Variants in CD58 observed in about 807,000 individuals in gnomAD.
CD58 encodes CD58 molecule.
In CD58, 14 loss-of-function variants were observed where a neutral mutation model predicts 27.6. The observed-to-expected ratio is 0.51, with a 90% CI of 0.34 to 0.79. CD58 has a LOEUF of 0.79. Among genes scored for constraint, CD58 ranks in the 30% least tolerant of loss-of-function variants. The pLI, the probability that CD58 is intolerant of heterozygous loss-of-function variation, is 0.02. For synonymous variants in CD58, 117 were observed against 103.8 expected (o/e 1.13, Z -0.77); for missense variants, 268 against 301.7 (o/e 0.89, Z 0.83).
rs1398201500 is a variant in CD58 at position 116,570,106 on chromosome 1, G to A, written c.70+797C>T. ...GAACCCCTCAAGTACAGTTGAACTCGCTGGGAGGTTACTGCTGTACTCCCG... is the reference window on the plus strand; with the variant it reads ...GAACCCCTCAAGTACAGTTGAACTCACTGGGAGGTTACTGCTGTACTCCCG... On this transcript the variant is annotated intron_variant, in intron 1 of 5. Coordinates refer to ENST00000369489, the MANE Select transcript of CD58 (RefSeq NM_001779.3). This position sits in a 1 kb window ranked among gnomAD's most constrained non-coding sequence, Gnocchi z 6.4. 1.3e-5 allele frequency among the ~76,000 whole-genome samples: 2 copies of A among 152,194 alleles called. No homozygotes were observed. Among genetic ancestry groups the A allele is most frequent in the African/African-American group, 4.8e-5 (2 of 41,444 alleles).
Position 116,564,078 on chromosome 1 carries a change from A to C in CD58, c.70+6825T>G, listed in dbSNP as rs180816734. ...AACTGAATGCTTTTAACAGCAACCA[A>C]GCCACCTCTTGAATGCTTTGCTGCT... is the stretch of plus-strand genomic sequence containing the variant. On this transcript the variant is annotated intron_variant, in intron 1 of 5. Transcript: ENST00000369489. Among the ~76,000 whole-genome samples the C allele has an allele frequency of 4.6e-5, 7 of 152,364 alleles. No individual in the cohort carries two copies. The East Asian group carries it at 5.8e-4, about 13-fold the overall frequency.
intron 1 of CD58, among the ~76,000 whole-genome samples, chr1:116,553,554 G>GGTGGGTGAAATGCAATAAAA: frequency 6.6e-6 from 1 of 152,170 alleles, no homozygotes; most frequent in South Asian, 2.1e-4. Flanking sequence ...CTTCCTCCTA[G>GGTGGGTGAAATGCAATAAAA]GTGGGTTGTG....
rs1289723996 is a variant in CD58 at position 116,534,326 on chromosome 1, G to A, written c.628+1639C>T. Among the ~76,000 whole-genome samples, 2 of 152,224 alleles carry A rather than the reference G, an allele frequency of 1.3e-5. No homozygotes were observed. The highest frequency in any genetic ancestry group is 2.9e-5 in the Non-Finnish European group (2 of 68,040). On this transcript the variant is annotated intron_variant, in intron 3 of 5. Coordinates refer to ENST00000369489, the MANE Select transcript of CD58 (RefSeq NM_001779.3). The surrounding 1 kb of genome is among the most constrained non-coding windows in gnomAD (Gnocchi z 5.3). ...GCCTGACCCCACAGATGCTCACGAT[G>A]ACCATCGCCCTACGGAAAAACTCAA...
At chr1:116,568,666 C>T (rs59021623) in intron 1 of CD58, among the ~76,000 whole-genome samples, 6,820 of 152,296 alleles carry the variant, frequency 0.045, 503 homozygotes, top group African/African-American at 0.15. Flanking sequence ...ATAATTGACA[C>T]TCAGTAAATA....
Position 116,544,311 on chromosome 1 carries a change from C to T in CD58, c.364G>A (p.Glu122Lys). Residue 122 changes from glutamate to lysine, a missense_variant and splice_region_variant, in exon 2 of 6, where the codon GAG (glutamate) becomes AAG (lysine). Coordinates refer to ENST00000369489, the MANE Select transcript of CD58 (RefSeq NM_001779.3). ...ACAAATCAACTTATGGAATACTCAC[C>T]AAGCACATAAAGAAAGAACTTCATG... is the stretch of plus-strand genomic sequence containing the variant. Reference protein sequence around the residue: ...DTMKFFLYVLESLPSPTLTCA... With the variant: ...DTMKFFLYVLKSLPSPTLTCA... The T allele has an allele frequency of 6.3e-7, 1 of 1,591,518 alleles. No homozygotes were observed. The highest frequency in any genetic ancestry group is 1.1e-5 in the South Asian group (1 of 87,314).
intron 1 of CD58, among the ~76,000 whole-genome samples, chr1:116,555,336 T>C (rs768057277): frequency 1.2e-4 from 18 of 152,156 alleles, no homozygotes; most frequent in Non-Finnish European, 2.2e-4. Flanking sequence ...TGACATGGAA[T>C]AGGCTTTCAA....
In CD58 at chr1:116,531,239, T is replaced by G. The variant is rs1267938341; in HGVS notation, c.628+4726A>C. Among the ~76,000 whole-genome samples the G allele has an allele frequency of 6.6e-6, 1 of 152,204 alleles. No individual in the cohort carries two copies. Among genetic ancestry groups the G allele is most frequent in the Admixed American group, 6.5e-5 (1 of 15,284 alleles). ...GCAAACATAAAGTTAAACATAAAGT[T>G]TTGCAAGGGCAAAACCTTTAAAAAT... On this transcript the variant is annotated intron_variant, in intron 3 of 5. Coordinates refer to ENST00000369489, the MANE Select transcript of CD58 (RefSeq NM_001779.3). The surrounding 1 kb of genome is among the most constrained non-coding windows in gnomAD (Gnocchi z 4.5).
intron 1 of CD58, among the ~76,000 whole-genome samples, chr1:116,565,375 G>C (rs1209972919): frequency 6.6e-6 from 1 of 152,140 alleles, no homozygotes; most frequent in Non-Finnish European, 1.5e-5. Context: ...CTGAGTAGTA[G>C]ACCTGGAATA....
chr1:116,514,809 C>T lies in CD58; in HGVS notation c.*4G>A. The T allele has an allele frequency of 6.5e-7, 1 of 1,542,902 alleles. No individual in the cohort carries two copies. The highest frequency in any genetic ancestry group is 1.1e-5 in the South Asian group (1 of 87,080). Reference sequence around the variant, plus strand: ...ATGCTGTTGTCTTCATCTTCTGTTACCAATCAATTGGAGCTACAAAAAAAA... The same window carrying T: ...ATGCTGTTGTCTTCATCTTCTGTTATCAATCAATTGGAGCTACAAAAAAAA... On this transcript the variant is annotated 3_prime_UTR_variant, in exon 6 of 6. Coordinates refer to ENST00000369489, the MANE Select transcript of CD58 (RefSeq NM_001779.3).
chr1:116,523,378 G>C lies in CD58; in HGVS notation c.629-1395C>G, dbSNP rs1657329203. On this transcript the variant is annotated intron_variant, in intron 3 of 5. Coordinates refer to ENST00000369489, the MANE Select transcript of CD58 (RefSeq NM_001779.3). The surrounding 1 kb of genome is among the most constrained non-coding windows in gnomAD (Gnocchi z 4.4). Reference sequence around the variant, plus strand: ...TGTGACATGGATATGGGAAAGGAAGGGAAAGGAAGGGAGAGGAGGAAGAGA... The same window carrying C: ...TGTGACATGGATATGGGAAAGGAAGCGAAAGGAAGGGAGAGGAGGAAGAGA... 6.6e-6 allele frequency among the ~76,000 whole-genome samples: 1 copy of C among 152,018 alleles called. No homozygotes were observed. The highest frequency in any genetic ancestry group is 1.5e-5 in the Non-Finnish European group (1 of 67,992).
intron 3 of CD58, chr1:116,533,408 C>T: frequency 1.2e-6 from 1 of 817,672 alleles, no homozygotes; most frequent in Non-Finnish European, 2.2e-6. Context: ...GTTCTGATTT[C>T]ATCTTGCAGG....
chr1:116,535,153 G>C (rs1268766074), intron 3 of CD58, among the ~76,000 whole-genome samples: 5 of 152,180 alleles, frequency 3.3e-5, no homozygotes, highest in African/African-American at 1.2e-4. Context: ...AGCCAAGACA[G>C]ATTGTCATGA....
Position 116,514,836 on chromosome 1 carries a change from T to A in CD58, c.744-14A>T. Reference sequence around the variant, plus strand: ...AATCAATTGGAGCTACAAAAAAAAATCATATTATTAACTTGTAAAATGCAG... The same window carrying A: ...AATCAATTGGAGCTACAAAAAAAAAACATATTATTAACTTGTAAAATGCAG... On this transcript the variant is annotated splice_polypyrimidine_tract_variant and intron_variant, in intron 5 of 5. Transcript: ENST00000369489. The A allele has an allele frequency of 1.3e-6, 2 of 1,545,160 alleles. No homozygotes were observed. The highest frequency in any genetic ancestry group is 1.8e-6 in the Non-Finnish European group (2 of 1,121,662).
chr1:116,569,558 G>A (rs1053004967), intron 1 of CD58, among the ~76,000 whole-genome samples: 4 of 150,038 alleles, frequency 2.7e-5, no homozygotes, highest in Non-Finnish European at 4.4e-5. Flanking sequence ...TTTCACAAAA[G>A]AGACTGCCTT....
intron 1 of CD58, among the ~76,000 whole-genome samples, chr1:116,554,702 T>A (rs1261824619): frequency 1.3e-5 from 2 of 152,084 alleles, no homozygotes; most frequent in African/African-American, 2.4e-5. Context: ...TTATTACTTA[T>A]TACTTAATAC....
chr1:116,544,466 T>G lies in CD58; in HGVS notation c.209A>C (p.Glu70Ala). ...KDKVAELENS[E>A]FRAFSSFKNR... ...TTTAAAAGATGAGAAAGCTCTGAAT[T>G]CAGAATTTTCCAGTTCTGCAACTTT... The change falls in exon 2 of 6, where the codon GAA becomes GCA. Residue 70 changes from glutamate (E) to alanine (A), a missense_variant. Glu to Ala is a moderately radical substitution (Grantham distance 107). Coordinates refer to ENST00000369489, the MANE Select transcript of CD58 (RefSeq NM_001779.3). The G allele has an allele frequency of 6.2e-7, 1 of 1,614,166 alleles. No individual in the cohort carries two copies. The highest frequency in any genetic ancestry group is 8.5e-7 in the Non-Finnish European group (1 of 1,180,016).
At position 116,519,034 on chromosome 1, in the gene CD58, T is replaced by A; in HGVS notation, c.743+197A>T. 8.0e-7 allele frequency: 1 copy of A among 1,244,944 alleles called. No homozygotes were observed. The highest frequency in any genetic ancestry group is 1.1e-6 in the Non-Finnish European group (1 of 926,944). 77.1% of individuals were successfully genotyped at this position (1,244,944 alleles called of 1,614,324 possible). On this transcript the variant is annotated intron_variant, in intron 5 of 5. Transcript: ENST00000369489. This position sits in a 1 kb window ranked among gnomAD's most constrained non-coding sequence, Gnocchi z 4.7. The stretch of plus-strand genomic sequence containing the variant: ...ATTGAGAGGGTTCCAGGAAACGATA[T>A]GCAGAGAGTGGCTAGTGCAGTGCAT...
At chr1:116,545,979 C>G (rs535804132) in intron 1 of CD58, among the ~76,000 whole-genome samples, 95 of 152,218 alleles carry the variant, frequency 6.2e-4, no homozygotes, top group African/African-American at 2.0e-3. Flanking sequence ...GAGTTCAAGA[C>G]CAACCTGGGT....
At chr1:116,547,324 T>C (rs1338345731) in intron 1 of CD58, among the ~76,000 whole-genome samples, 8 of 136,144 alleles carry the variant, frequency 5.9e-5, no homozygotes, top group Admixed American at 2.9e-4. Context: ...TATTTTGTTC[T>C]TTTTTTTTTT....
Sources: gnomAD v4.1 joint callset for allele counts (sites outside exome capture counted in the v4.1 genomes callset) on GRCh38, gnomAD v4.1.1 for gene constraint, Gnocchi (gnomAD v3.1) non-coding constraint, MANE v1.5 for transcripts, NCBI Gene and HGNC (gene_info 2026-07-23, HGNC 2026-07-21) for gene names.